SDCCAG8: variants seen among roughly 807,000 people sequenced by gnomAD.
SDCCAG8 encodes serologically defined colon cancer antigen 8.
SDCCAG8 carries 74 observed loss-of-function variants against 101.8 expected under a neutral mutation model. That is an observed-to-expected ratio of 0.73 (90% CI 0.60 to 0.88). The LOEUF (loss-of-function observed/expected upper bound fraction) is 0.88, where lower values mean the gene tolerates loss of function less well. SDCCAG8 is among the 40% of genes least tolerant of loss of function. SDCCAG8 has a pLI of 0.00. For synonymous variants in SDCCAG8, 281 were observed against 292.9 expected (o/e 0.96, Z 0.41); for missense variants, 787 against 822.6 (o/e 0.96, Z 0.53).
At chr1:243,363,535 C>T (rs1262617208) in intron 12 of SDCCAG8, among the ~76,000 whole-genome samples, 2 of 152,196 alleles carry the variant, frequency 1.3e-5, no homozygotes, top group Admixed American at 1.3e-4. Context: ...TTTTGTTCAT[C>T]TAGATAACCT....
rs956446272 is a variant in SDCCAG8 at position 243,441,180 on chromosome 1, A to G, written c.1985+14622A>G. On this transcript the variant is annotated intron_variant, in intron 16 of 17. Coordinates refer to ENST00000366541, the MANE Select transcript of SDCCAG8 (RefSeq NM_006642.5). ...CCAACAAATGTAAATTTTAATATTT[A>G]TATGTTAGGCAAATGTGTCATTAAA... Among the ~76,000 whole-genome samples the G allele has an allele frequency of 3.3e-5, 5 of 152,308 alleles. No individual in the cohort carries two copies. In the South Asian group the frequency reaches 1.0e-3, roughly 32 times the overall value.
chr1:243,484,363 A>G (rs1289938525), intron 16 of SDCCAG8, among the ~76,000 whole-genome samples: 1 of 152,060 alleles, frequency 6.6e-6, no homozygotes, highest in African/African-American at 2.4e-5. Context: ...AAAAGCACCC[A>G]CTCATCCTTT....
At chr1:243,256,485 TTCTC>T (rs1487861458) in intron 1 of SDCCAG8, among the ~76,000 whole-genome samples, 2 of 152,254 alleles carry the variant, frequency 1.3e-5, no homozygotes, top group Non-Finnish European at 2.9e-5. Context: ...CTTGGCATCT[TTCTC>T]AACCGGCGAC....
chr1:243,327,666 A>G (rs1377563515), intron 9 of SDCCAG8, among the ~76,000 whole-genome samples: 1 of 152,036 alleles, frequency 6.6e-6, no homozygotes, highest in Non-Finnish European at 1.5e-5. Flanking sequence ...TGAAACTAGG[A>G]GAAGAAACTC....
chr1:243,433,313 C>A (rs1409684541), intron 16 of SDCCAG8, among the ~76,000 whole-genome samples: 1 of 149,596 alleles, frequency 6.7e-6, no homozygotes. Context: ...GATCGCGCCA[C>A]TGCACTCCAG....
At chr1:243,385,620 A>C (rs527480347) in intron 13 of SDCCAG8, among the ~76,000 whole-genome samples, 34 of 152,326 alleles carry the variant, frequency 2.2e-4, no homozygotes, top group Admixed American at 2.0e-3. Context: ...AGTTAAATAC[A>C]GTACACACAG....
At chr1:243,267,513 A>C in intron 1 of SDCCAG8, 1 of 388,658 alleles carries the variant, frequency 2.6e-6, no homozygotes, top group Non-Finnish European at 4.9e-6. Context: ...GAGGCAGGAG[A>C]ATCGCTTGAA....
Position 243,308,168 on chromosome 1 carries a change from G to A in SDCCAG8, c.920G>A (p.Arg307Lys). ...HTNVHMQTIE[R>K]LVKERDDLMS... Reference sequence around the variant, plus strand: ...AATGTTCATATGCAGACCATCGAAAGACTGGTTAAGTAAGTATGCTTCTAC... The same window carrying A: ...AATGTTCATATGCAGACCATCGAAAAACTGGTTAAGTAAGTATGCTTCTAC... The change falls in exon 8 of 18, where the codon AGA (arginine) becomes AAA (lysine). Residue 307 changes from arginine (R) to lysine (K), a missense_variant. Transcript: ENST00000366541. 1.9e-6 allele frequency: 3 copies of A among 1,614,136 alleles called. No individual in the cohort carries two copies. The highest frequency in any genetic ancestry group is 2.5e-6 in the Non-Finnish European group (3 of 1,180,014).
chr1:243,278,930 A>G (rs1369017358), intron 4 of SDCCAG8, among the ~76,000 whole-genome samples: 1 of 151,990 alleles, frequency 6.6e-6, no homozygotes, highest in Non-Finnish European at 1.5e-5. Context: ...CCACAGGTGC[A>G]CACCACCATG....
chr1:243,339,582 A>T (rs989300733), intron 10 of SDCCAG8, among the ~76,000 whole-genome samples: 1 of 152,214 alleles, frequency 6.6e-6, no homozygotes, highest in African/African-American at 2.4e-5. Flanking sequence ...GATGATAGGG[A>T]TGTGTAAAAA....
intron 16 of SDCCAG8, among the ~76,000 whole-genome samples, chr1:243,451,794 T>A (rs2083375065): frequency 6.6e-6 from 1 of 152,054 alleles, no homozygotes. Flanking sequence ...CCAGGCTTGG[T>A]GGTGCGTGCC....
intron 16 of SDCCAG8, among the ~76,000 whole-genome samples, chr1:243,459,508 G>A (rs192358428): frequency 5.6e-4 from 85 of 152,202 alleles, no homozygotes; most frequent in Middle Eastern, 3.4e-3. Flanking sequence ...GAAAGGCTTG[G>A]GGGGTGGGGG....
intron 16 of SDCCAG8, among the ~76,000 whole-genome samples, chr1:243,447,205 C>T (rs997432844): frequency 1.4e-5 from 2 of 138,644 alleles, no homozygotes; most frequent in East Asian, 2.3e-4. Flanking sequence ...GCCGAGATCG[C>T]GCCACGGCAC....
At chr1:243,285,221 C>T (rs1287374088) in intron 4 of SDCCAG8, among the ~76,000 whole-genome samples, 2 of 152,184 alleles carry the variant, frequency 1.3e-5, no homozygotes, top group Non-Finnish European at 2.9e-5. Flanking sequence ...GAGCTTCCAG[C>T]AAGTCATCAA....
chr1:243,418,124 CT>C, intron 15 of SDCCAG8, 48 bp downstream of exon 15: 2 of 1,322,990 alleles, frequency 1.5e-6, no homozygotes, highest in Non-Finnish European at 2.2e-6. Flanking sequence ...TGTGTGATTA[CT>C]CTAATTTTTC....
chr1:243,418,579 C>A (rs930561912), intron 15 of SDCCAG8, among the ~76,000 whole-genome samples: 2 of 152,118 alleles, frequency 1.3e-5, no homozygotes, highest in African/African-American at 4.8e-5. Flanking sequence ...AATAGAACAG[C>A]CATCATTCAT....
At chr1:243,413,558 G>A (rs1442821904) in intron 13 of SDCCAG8, among the ~76,000 whole-genome samples, 1 of 152,204 alleles carries the variant, frequency 6.6e-6, no homozygotes, top group African/African-American at 2.4e-5. Flanking sequence ...AAGAATGATG[G>A]TGAGATTGAC....
At chr1:243,408,277 G>A (rs946016002) in intron 13 of SDCCAG8, among the ~76,000 whole-genome samples, 1 of 152,136 alleles carries the variant, frequency 6.6e-6, no homozygotes, top group African/African-American at 2.4e-5. Context: ...AAATTAGTGA[G>A]CAAAACAAAG....
intron 16 of SDCCAG8, among the ~76,000 whole-genome samples, chr1:243,479,261 A>G (rs1181944325): frequency 6.6e-6 from 1 of 152,264 alleles, no homozygotes; most frequent in African/African-American, 2.4e-5. Context: ...ATAGGAACAC[A>G]GTAAAATCTG....
Sources: gnomAD v4.1 joint callset for allele counts (sites outside exome capture counted in the v4.1 genomes callset) on GRCh38, gnomAD v4.1.1 for gene constraint, MANE v1.5 for transcripts, NCBI Gene and HGNC (gene_info 2026-07-23, HGNC 2026-07-21) for gene names.